SGCZ: variants seen among roughly 807,000 people sequenced by gnomAD.
SGCZ encodes the protein zeta-sarcoglycan.
SGCZ carries 40 observed loss-of-function variants against 41.3 expected under a neutral mutation model. The observed-to-expected ratio is 0.97, with a 90% CI of 0.75 to 1.26. The LOEUF (loss-of-function observed/expected upper bound fraction) is 1.26. SGCZ is among the 50% of genes most tolerant of loss of function. The probability of loss-of-function intolerance (pLI) is 0.00; values close to 1 mark genes in which losing one functional copy is unlikely to be tolerated. For missense variants in SGCZ, 552 were observed against 369.8 expected (o/e 1.49, Z -4.04); for synonymous variants, 206 against 137.5 (o/e 1.50, Z -3.49).
intron 1 of SGCZ, among the ~76,000 whole-genome samples, chr8:15,216,222 T>TG (rs1035347618): frequency 1.3e-5 from 1 of 77,136 alleles, no homozygotes; most frequent in Non-Finnish European, 2.9e-5. Flanking sequence ...TCTTTTTTTT[T>TG]CTTTTTTTTT....
intron 4 of SGCZ, among the ~76,000 whole-genome samples, chr8:14,212,693 G>T (rs759544941): frequency 1.3e-5 from 2 of 152,026 alleles, no homozygotes; most frequent in Non-Finnish European, 2.9e-5. Flanking sequence ...AAGAAGAAGG[G>T]AAATCACAAC....
rs374252909 is a variant in SGCZ at position 14,674,932 on chromosome 8, T to C, written c.40-120006A>G. 1.3e-4 allele frequency among the ~76,000 whole-genome samples: 9 copies of C among 68,470 alleles called. No individual in the cohort carries two copies. In the East Asian group the frequency reaches 1.7e-3, roughly 13 times the overall value. The allele number at this position is 68,470 out of a possible 152,430, so 44.9% of individuals were successfully genotyped here. A position where few individuals can be genotyped will look rare whatever the true frequency, so the allele number is the denominator to read the frequency against. ...ATTTAACCTCTTTTCTTTTCTGTTT[T>C]TTTTTTTTTTTTTTTTTTTTTTTTG... On this transcript the variant is annotated intron_variant, in intron 1 of 7. Coordinates refer to ENST00000382080, the MANE Select transcript of SGCZ (RefSeq NM_139167.4).
chr8:14,869,420 G>T (rs1279083796), intron 1 of SGCZ, among the ~76,000 whole-genome samples: 1 of 151,996 alleles, frequency 6.6e-6, no homozygotes, highest in Non-Finnish European at 1.5e-5. Context: ...AATAAACTAG[G>T]CATTGATGGA....
At chr8:14,709,887 CCTT>C (rs1051778411) in intron 1 of SGCZ, among the ~76,000 whole-genome samples, 2 of 152,052 alleles carry the variant, frequency 1.3e-5, no homozygotes, top group African/African-American at 4.8e-5. Context: ...CAGGGACTCT[CCTT>C]ATTTTATAAA....
At chr8:14,612,540 T>C (rs1805963197) in intron 1 of SGCZ, among the ~76,000 whole-genome samples, 1 of 152,164 alleles carries the variant, frequency 6.6e-6, no homozygotes, top group Non-Finnish European at 1.5e-5. Flanking sequence ...TATGGAATTA[T>C]AGCCACAAAG....
At chr8:15,187,121 T>C (rs1473791330) in intron 1 of SGCZ, among the ~76,000 whole-genome samples, 1 of 152,188 alleles carries the variant, frequency 6.6e-6, no homozygotes, top group Admixed American at 6.5e-5. Context: ...TTAGCTCTAC[T>C]AGCTGATTCT....
At chr8:15,111,222 T>C (rs891406418) in intron 1 of SGCZ, among the ~76,000 whole-genome samples, 1 of 152,076 alleles carries the variant, frequency 6.6e-6, no homozygotes, top group Admixed American at 6.5e-5. Context: ...CAAGGCCAAT[T>C]CGCGCTGATT....
At chr8:14,714,479 A>G (rs1357670115) in intron 1 of SGCZ, among the ~76,000 whole-genome samples, 1 of 152,180 alleles carries the variant, frequency 6.6e-6, no homozygotes, top group Non-Finnish European at 1.5e-5. Context: ...GAAAAGCTAT[A>G]TGGAATATTT....
chr8:14,254,620 T>C (rs1174403172), intron 3 of SGCZ, among the ~76,000 whole-genome samples: 1 of 152,248 alleles, frequency 6.6e-6, no homozygotes, highest in Non-Finnish European at 1.5e-5. Flanking sequence ...ATTAATTTGA[T>C]ATCTGATTTA....
intron 1 of SGCZ, among the ~76,000 whole-genome samples, chr8:14,565,727 T>C (rs907192320): frequency 1.3e-5 from 2 of 151,714 alleles, no homozygotes; most frequent in Non-Finnish European, 2.9e-5. Flanking sequence ...AGAAAACATA[T>C]CCAGAAAGAG....
intron 1 of SGCZ, among the ~76,000 whole-genome samples, chr8:15,090,049 T>C (rs1340073464): frequency 6.6e-6 from 1 of 152,254 alleles, no homozygotes; most frequent in Non-Finnish European, 1.5e-5. Context: ...TATTACCTTG[T>C]ATGTTATCAG....
chr8:15,105,035 G>GTA (rs1482155597), intron 1 of SGCZ, among the ~76,000 whole-genome samples: 2 of 152,088 alleles, frequency 1.3e-5, no homozygotes, highest in African/African-American at 4.8e-5. Context: ...CCAAACTACA[G>GTA]TTAAATGAAT....
chr8:14,301,083 T>C (rs1801169895), intron 3 of SGCZ, among the ~76,000 whole-genome samples: 1 of 151,700 alleles, frequency 6.6e-6, no homozygotes, highest in Admixed American at 6.6e-5. Context: ...ATCATCATCA[T>C]CATCATCATC....
intron 2 of SGCZ, among the ~76,000 whole-genome samples, chr8:14,472,971 G>C (rs556082734): frequency 7.2e-4 from 109 of 152,228 alleles, no homozygotes; most frequent in African/African-American, 2.5e-3. Context: ...GACCCGGTTG[G>C]TGTTAACTGA....
In SGCZ at chr8:14,978,155, T is replaced by C. The variant is rs142227473; in HGVS notation, c.39+259430A>G. 3.8e-3 allele frequency among the ~76,000 whole-genome samples: 584 copies of C among 152,150 alleles called. 4 individuals carry two copies. Among genetic ancestry groups the C allele is most frequent in the Middle Eastern group, 0.017 (5 of 294 alleles). ...TTATGTTAGTTTCAAAAGATTATTT[T>C]GTATTTGTTTCTTTAAAAATTGTGC... On this transcript the variant is annotated intron_variant, in intron 1 of 7. Coordinates refer to ENST00000382080, the MANE Select transcript of SGCZ (RefSeq NM_139167.4).
At chr8:14,309,363 T>C (rs542585272) in intron 3 of SGCZ, 9 of 1,604,556 alleles carry the variant, frequency 5.6e-6, no homozygotes, top group Admixed American at 1.7e-5. Flanking sequence ...CGATGGCTAA[T>C]TACATTGAAC....
At chr8:14,752,861 A>C in intron 1 of SGCZ, among the ~76,000 whole-genome samples, 1 of 152,232 alleles carries the variant, frequency 6.6e-6, no homozygotes, top group East Asian at 1.9e-4. Context: ...AGAATTAAAA[A>C]CACACAGAAT....
In SGCZ at chr8:14,419,303, C is replaced by T. The variant is rs529549684; in HGVS notation, c.235-95099G>A. ...CCTAACAGCTAGATAATGGGAGTTA[C>T]GTAAATCATCTTATTTTCATTGCTT... On this transcript the variant is annotated intron_variant, in intron 2 of 7. Coordinates refer to ENST00000382080, the MANE Select transcript of SGCZ (RefSeq NM_139167.4). Among the ~76,000 whole-genome samples the T allele has an allele frequency of 1.6e-4, 25 of 151,982 alleles. 1 individual carries two copies. The South Asian group carries it at 3.3e-3, about 20-fold the overall frequency.
intron 2 of SGCZ, among the ~76,000 whole-genome samples, chr8:14,494,712 A>C (rs574101337): frequency 6.6e-6 from 1 of 152,348 alleles, no homozygotes; most frequent in South Asian, 2.1e-4. Context: ...ATAGAAGATC[A>C]GCCTTAACTA....
Sources: gnomAD v4.1 joint callset for allele counts (sites outside exome capture counted in the v4.1 genomes callset) on GRCh38, gnomAD v4.1.1 for gene constraint, MANE v1.5 for transcripts, NCBI Gene and HGNC (gene_info 2026-07-23, HGNC 2026-07-21) for gene names.